SARNP: variants seen among roughly 807,000 people sequenced by gnomAD.
SARNP encodes SAP domain containing ribonucleoprotein.
SARNP carries 5 observed loss-of-function variants against 38.1 expected under a neutral mutation model. The observed-to-expected ratio is 0.13, with a 90% CI of 0.07 to 0.28. SARNP has a LOEUF of 0.28. Ranked by LOEUF, SARNP falls within the 10% of genes least tolerant of loss-of-function variation. The pLI, the probability that SARNP is intolerant of heterozygous loss-of-function variation, is 1.00. For synonymous variants in SARNP, 84 were observed against 80.6 expected, an observed-to-expected ratio of 1.04 and a Z score of -0.23; for missense variants, 180 against 243.9, an observed-to-expected ratio of 0.74 and a Z score of 1.75.
chr12:55,799,575 T>TTTTTTTC lies in SARNP; in HGVS notation c.251+986_251+987insGAAAAAA, dbSNP rs1555173534. On this transcript the variant is annotated intron_variant, in intron 4 of 10. Coordinates refer to ENST00000336133, the MANE Select transcript of SARNP (RefSeq NM_033082.4). ...AGTGTCACACTTTTTTTTTTTTTTTTCCCGAGACAGCTGTGGCTCCCAGGC... is the reference window on the plus strand; with the variant it reads ...AGTGTCACACTTTTTTTTTTTTTTTTTTTTTTCCCCGAGACAGCTGTGGCTCCCAGGC... 7.0e-4 allele frequency among the ~76,000 whole-genome samples: 103 copies of TTTTTTTC among 148,154 alleles called. 3 individuals are homozygous for TTTTTTTC. Among genetic ancestry groups the TTTTTTTC allele is most frequent in the African/African-American group, 2.1e-3 (85 of 40,228 alleles).
At chr12:55,801,286 T>TA (rs1426606292) in intron 2 of SARNP, among the ~76,000 whole-genome samples, 1 of 151,854 alleles carries the variant, frequency 6.6e-6, no homozygotes, top group Non-Finnish European at 1.5e-5. Context: ...ACAAAAAACA[T>TA]AAAAAAATTA....
chr12:55,784,466 A>G (rs1461801674), intron 9 of SARNP, among the ~76,000 whole-genome samples: 1 of 152,230 alleles, frequency 6.6e-6, no homozygotes, highest in Non-Finnish European at 1.5e-5. Flanking sequence ...ATGTGGAACT[A>G]GAACGCTAAG....
chr12:55,761,572 G>A (rs1487575211), intron 9 of SARNP: 1 of 152,206 alleles, frequency 6.6e-6, no homozygotes, highest in African/African-American at 2.4e-5. Flanking sequence ...GCCTGGGAAT[G>A]AGAGAATATT....
At chr12:55,753,500 T>C (rs1407151676), downstream of SARNP, 3 of 152,276 alleles carry the variant, frequency 2.0e-5, no homozygotes, top group African/African-American at 7.2e-5. Context: ...CTGGGCGCAG[T>C]GGCTTACATC....
At chr12:55,758,448 C>G (rs1484799578) in intron 10 of SARNP, among the ~76,000 whole-genome samples, 1 of 152,026 alleles carries the variant, frequency 6.6e-6, no homozygotes, top group Non-Finnish European at 1.5e-5. Context: ...AGTTCAAGAC[C>G]AGCCTGACCA....
At chr12:55,788,188 T>C (rs1879561143) in intron 9 of SARNP, among the ~76,000 whole-genome samples, 2 of 152,220 alleles carry the variant, frequency 1.3e-5, no homozygotes, top group Non-Finnish European at 2.9e-5. Flanking sequence ...CCTTATCATT[T>C]TCTCCAATGT....
At chr12:55,790,316 C>A (rs958016412) in intron 8 of SARNP, among the ~76,000 whole-genome samples, 1 of 152,096 alleles carries the variant, frequency 6.6e-6, no homozygotes, top group African/African-American at 2.4e-5. Flanking sequence ...ACATGGCTAA[C>A]AAAATCCATT....
chr12:55,784,383 T>C (rs961077642), intron 9 of SARNP, among the ~76,000 whole-genome samples: 9 of 152,126 alleles, frequency 5.9e-5, no homozygotes, highest in Non-Finnish European at 1.0e-4. Flanking sequence ...TAGCAACTCA[T>C]TCTAGTGATA....
intron 9 of SARNP, among the ~76,000 whole-genome samples, chr12:55,766,620 G>C (rs1208301960): frequency 8.6e-6 from 1 of 115,608 alleles, no homozygotes; most frequent in Non-Finnish European, 1.7e-5. Context: ...TTTTGGCGGG[G>C]GGGGGGGGGG....
At chr12:55,798,995 A>G (rs190259563) in intron 4 of SARNP, among the ~76,000 whole-genome samples, 2 of 152,244 alleles carry the variant, frequency 1.3e-5, no homozygotes, top group African/African-American at 2.4e-5. Context: ...TAACACTTAC[A>G]TAAGAAAATG....
At chr12:55,767,292 C>T (rs1411624341) in intron 9 of SARNP, among the ~76,000 whole-genome samples, 1 of 152,018 alleles carries the variant, frequency 6.6e-6, no homozygotes, top group Non-Finnish European at 1.5e-5. Context: ...CACATGCCAT[C>T]CCAAGCACTT....
At chr12:55,789,229 G>A (rs910503748) in intron 8 of SARNP, 86 bp from the exon 9 acceptor site, 2 of 894,700 alleles carry the variant, frequency 2.2e-6, no homozygotes, top group African/African-American at 1.7e-5. Context: ...GAAGCTAAGA[G>A]TTCAAATAAG....
chr12:55,785,528 G>A (rs1194769222), intron 9 of SARNP, among the ~76,000 whole-genome samples: 1 of 150,916 alleles, frequency 6.6e-6, no homozygotes, highest in Non-Finnish European at 1.5e-5. Flanking sequence ...GGTGGCTCAC[G>A]CCTGTAATCC....
intron 9 of SARNP, among the ~76,000 whole-genome samples, chr12:55,781,563 A>G (rs1257731854): frequency 1.3e-5 from 2 of 151,950 alleles, no homozygotes; most frequent in Non-Finnish European, 2.9e-5. Flanking sequence ...AACAAAAACA[A>G]ACAGACAAAA....
At chr12:55,764,832 C>CAAAAAAAA (rs1162009254) in intron 9 of SARNP, among the ~76,000 whole-genome samples, 5 of 62,054 alleles carry the variant, frequency 8.1e-5, no homozygotes, top group African/African-American at 1.8e-4. Context: ...CTCTGTCTCA[C>CAAAAAAAA]AAAAAAAAAA....
At chr12:55,801,346 AGTG>A (rs1879974514) in intron 2 of SARNP, among the ~76,000 whole-genome samples, 2 of 152,096 alleles carry the variant, frequency 1.3e-5, no homozygotes, top group African/African-American at 4.8e-5. Flanking sequence ...GGGAGGCTGA[AGTG>A]GGAACATTAC....
intron 1 of SARNP, among the ~76,000 whole-genome samples, chr12:55,805,125 G>C (rs1880099768): frequency 3.3e-5 from 5 of 152,164 alleles, no homozygotes; most frequent in Admixed American, 3.3e-4. Flanking sequence ...AGCCAGGCGT[G>C]GTGGCAGGCG....
At chr12:55,787,639 G>A (rs891581641) in intron 9 of SARNP, among the ~76,000 whole-genome samples, 3 of 152,108 alleles carry the variant, frequency 2.0e-5, no homozygotes, top group African/African-American at 7.2e-5. Context: ...GTTTCACCAT[G>A]TTGGCTGGGC....
rs1270840650 is a variant in SARNP, at chr12:55,764,931, T to C, written c.502-4291A>G. On this transcript the variant is annotated intron_variant, in intron 9 of 10. Coordinates refer to ENST00000336133, the MANE Select transcript of SARNP (RefSeq NM_033082.4). Reference sequence around the variant, plus strand: ...AAGGGGGAAAGTTTCCTTGATCTACTACCACTAAGATAAAGTGAATACGGA... The same window carrying C: ...AAGGGGGAAAGTTTCCTTGATCTACCACCACTAAGATAAAGTGAATACGGA... Among the ~76,000 whole-genome samples, 9 of 151,682 alleles carry C rather than the reference T, an allele frequency of 5.9e-5. No homozygotes were observed. The East Asian group carries it at 1.4e-3, about 23-fold the overall frequency.
Sources: gnomAD v4.1 joint callset for allele counts (sites outside exome capture counted in the v4.1 genomes callset) on GRCh38, gnomAD v4.1.1 for gene constraint, MANE v1.5 for transcripts, NCBI Gene and HGNC (gene_info 2026-07-23, HGNC 2026-07-21) for gene names.